The following MORC1 variants were observed in gnomAD, a reference collection of about 807,000 sequenced individuals.
MORC1 encodes the protein MORC family CW-type zinc finger 1, also known as MORC family CW-type zinc finger protein 1.
A neutral mutation model predicts 134.9 loss-of-function variants in MORC1; 59 were observed. That is an observed-to-expected ratio of 0.44 (90% CI 0.35 to 0.54). The LOEUF (loss-of-function observed/expected upper bound fraction) is 0.54, where lower values mean the gene tolerates loss of function less well. Ranked by LOEUF, MORC1 falls within the 20% of genes least tolerant of loss-of-function variation. MORC1 has a pLI of 0.00. For missense variants in MORC1, 947 were observed against 1,134.5 expected (o/e 0.83, Z 2.37); for synonymous variants, 395 against 391.7 (o/e 1.01, Z -0.10).
chr3:109,055,148 G>A (rs1452117718), intron 13 of MORC1, among the ~76,000 whole-genome samples: 1 of 152,120 alleles, frequency 6.6e-6, no homozygotes, highest in Non-Finnish European at 1.5e-5. Context: ...GCCTTACGTG[G>A]AGAGTGAGGG....
chr3:109,035,473 T>TAAA lies in MORC1; in HGVS notation c.1331-8_1331-6dup, dbSNP rs11438791. The TAAA allele has an allele frequency of 0.02, 23,085 of 1,129,338 alleles. 6 individuals are homozygous for TAAA. The highest frequency in any genetic ancestry group is 0.025 in the East Asian group (818 of 32,266). 70.0% of individuals were successfully genotyped at this position (1,129,338 alleles called of 1,614,324 possible). ...ACAATGTTAAATTTCTATTATCTTT[T>TAAA]AAAAAAAAAAGCAGGCAAAGAATAA... On this transcript the variant is annotated splice_region_variant and splice_polypyrimidine_tract_variant and intron_variant, in intron 14 of 27. Transcript: ENST00000232603.
intron 14 of MORC1, among the ~76,000 whole-genome samples, chr3:109,041,785 G>T (rs1228977677): frequency 6.6e-6 from 1 of 152,118 alleles, no homozygotes; most frequent in African/African-American, 2.4e-5. Context: ...GGCGGAGGTT[G>T]CAATGAGCTG....
intron 2 of MORC1, among the ~76,000 whole-genome samples, chr3:109,112,341 T>A (rs918997213): frequency 6.6e-6 from 1 of 152,210 alleles, no homozygotes; most frequent in Non-Finnish European, 1.5e-5. Flanking sequence ...CAGTTCTAAT[T>A]TTTAAAACTA....
chr3:109,012,112 ATGT>A (rs1200347293), intron 17 of MORC1, among the ~76,000 whole-genome samples: 3 of 152,208 alleles, frequency 2.0e-5, no homozygotes, highest in Non-Finnish European at 4.4e-5. Flanking sequence ...TTTCAAAATA[ATGT>A]TGTATATGAC....
At chr3:108,976,914 T>C (rs1001560016) in intron 24 of MORC1, among the ~76,000 whole-genome samples, 1 of 152,144 alleles carries the variant, frequency 6.6e-6, no homozygotes, top group African/African-American at 2.4e-5. Flanking sequence ...TTTGATCACA[T>C]GTAACTCACT....
chr3:109,042,684 T>C (rs62274660), intron 14 of MORC1, among the ~76,000 whole-genome samples: 39,164 of 152,094 alleles, frequency 0.26, 5,248 homozygotes, highest in Middle Eastern at 0.43. Context: ...TCAATCTACA[T>C]GTCCATCAAT....
intron 8 of MORC1, among the ~76,000 whole-genome samples, chr3:109,084,008 CT>C (rs1240148426): frequency 6.6e-6 from 1 of 151,872 alleles, no homozygotes; most frequent in Admixed American, 6.6e-5. Flanking sequence ...AGTAATATAC[CT>C]CAAAATAATA....
intron 24 of MORC1, among the ~76,000 whole-genome samples, chr3:108,976,483 T>C (rs1054202370): frequency 1.3e-5 from 2 of 152,066 alleles, no homozygotes; most frequent in Non-Finnish European, 2.9e-5. Context: ...TAGCAAATAA[T>C]ACTACAAAAA....
chr3:109,055,010 A>G, intron 13 of MORC1, 128 bp from the exon 14 acceptor site: 1 of 788,034 alleles, frequency 1.3e-6, no homozygotes, highest in Non-Finnish European at 2.0e-6. Flanking sequence ...GACCATGTCA[A>G]AGTTTAACAA....
chr3:108,983,462 A>G (rs1947807748), intron 23 of MORC1, among the ~76,000 whole-genome samples: 1 of 152,222 alleles, frequency 6.6e-6, no homozygotes, highest in South Asian at 2.1e-4. Context: ...AGGATGATAA[A>G]AGTGTGACTT....
At chr3:109,075,044 T>C (rs907627623) in intron 8 of MORC1, among the ~76,000 whole-genome samples, 11 of 152,190 alleles carry the variant, frequency 7.2e-5, no homozygotes, top group African/African-American at 2.4e-4. Context: ...AATTTGCTCC[T>C]ACAGAACTGA....
At chr3:108,999,714 T>C (rs1948344021) in intron 21 of MORC1, among the ~76,000 whole-genome samples, 1 of 152,208 alleles carries the variant, frequency 6.6e-6, no homozygotes, top group South Asian at 2.1e-4. Context: ...CCTAGGCTAC[T>C]GTAGTTACTC....
intron 17 of MORC1, among the ~76,000 whole-genome samples, chr3:109,014,973 C>T (rs1948782825): frequency 6.6e-6 from 1 of 152,142 alleles, no homozygotes; most frequent in East Asian, 1.9e-4. Flanking sequence ...GCAACCTCTG[C>T]CTCCTGGGTT....
chr3:108,972,371 T>C (rs553424346), intron 24 of MORC1, among the ~76,000 whole-genome samples: 1 of 152,338 alleles, frequency 6.6e-6, no homozygotes, highest in South Asian at 2.1e-4. Context: ...TAAAATAATA[T>C]GGTATACCAA....
chr3:108,958,936 A>G lies in MORC1; in HGVS notation c.*29T>C. On this transcript the variant is annotated 3_prime_UTR_variant, in exon 28 of 28. Transcript: ENST00000232603. ...AGAATCTTCCAATTTTCTTATTAGC[A>G]TTTTTTAAAAGGTAATACCATCTCT... The G allele has an allele frequency of 7.2e-7, 1 of 1,397,082 alleles. No homozygotes were observed. Among genetic ancestry groups the G allele is most frequent in the Non-Finnish European group, 9.4e-7 (1 of 1,058,560 alleles). The allele number at this position is 1,397,082 out of a possible 1,614,324, so 86.5% of individuals were successfully genotyped here. A position where few individuals can be genotyped will look rare whatever the true frequency, so the allele number is the denominator to read the frequency against.
chr3:108,998,366 T>G (rs1415681989), intron 21 of MORC1, among the ~76,000 whole-genome samples: 1 of 152,216 alleles, frequency 6.6e-6, no homozygotes, highest in Admixed American at 6.5e-5. Flanking sequence ...TATACCATAT[T>G]TCTTAGTTTC....
At chr3:109,087,649 C>T (rs1055101699) in intron 8 of MORC1, among the ~76,000 whole-genome samples, 2 of 152,046 alleles carry the variant, frequency 1.3e-5, no homozygotes, top group Non-Finnish European at 2.9e-5. Flanking sequence ...GACCTTACTG[C>T]CCAAAGCAAT....
chr3:109,090,112 A>T (rs921785842), intron 8 of MORC1, among the ~76,000 whole-genome samples: 7 of 152,070 alleles, frequency 4.6e-5, no homozygotes, highest in African/African-American at 1.5e-4. Flanking sequence ...CTATTGGAAA[A>T]ATTTTTTTTA....
Position 109,099,416 on chromosome 3 carries a change from T to C in MORC1, c.365A>G (p.Glu122Gly), listed in dbSNP as rs777184779. 20 of 1,613,346 alleles carry C rather than the reference T, an allele frequency of 1.2e-5. No homozygotes were observed. The East Asian group carries it at 3.8e-4, about 31-fold the overall frequency. Residue 122 changes from glutamate to glycine, a missense_variant, in exon 6 of 28, where the codon GAA (glutamate) becomes GGA (glycine). Around this residue, in one of 3 missense-constraint regions of MORC1, gnomAD observed 214 missense variants for 281.3 expected, o/e 0.76. Transcript: ENST00000232603. ...KDFILFTKKE[E>G]TMTCVFFSQT... The stretch of plus-strand genomic sequence containing the variant: ...AGAAAAAAACACACAGGTCATCGTT[T>C]CTTCCTTCTTCGTAAAAAGAATAAA...
Sources: gnomAD v4.1 joint callset for allele counts (sites outside exome capture counted in the v4.1 genomes callset) on GRCh38, gnomAD v4.1.1 for gene constraint, gnomAD v4.1.1 regional missense constraint, MANE v1.5 for transcripts, NCBI Gene and HGNC (gene_info 2026-07-23, HGNC 2026-07-21) for gene names.